Variants in FAM81A observed in about 807,000 individuals in gnomAD.
FAM81A encodes protein FAM81A.
Under a neutral mutation model 46.7 loss-of-function variants are expected in FAM81A, and 19 were observed. The ratio of observed to expected loss-of-function variants is 0.41; its 90% CI spans 0.28 to 0.60. FAM81A has a LOEUF of 0.60. FAM81A is among the 20% of genes least tolerant of loss of function. The pLI, the probability that FAM81A is intolerant of heterozygous loss-of-function variation, is 0.34. For missense variants in FAM81A, 377 were observed against 453.5 expected (o/e 0.83, Z 1.53); for synonymous variants, 183 against 152.9 (o/e 1.20, Z -1.45).
In FAM81A at chr15:59,509,892, A is replaced by G. The variant is rs754494393; in HGVS notation, c.650+923A>G. Among the ~76,000 whole-genome samples the G allele has an allele frequency of 5.7e-4, 86 of 152,164 alleles. 1 individual carries two copies. The highest frequency in any genetic ancestry group is 1.2e-4 in the Non-Finnish European group (8 of 68,016). ...CTGCAGGGGAGGTGGGCCAGCTCGC[A>G]GTTGTGATTTTTTGTGACAGCAATA... On this transcript the variant is annotated intron_variant, in intron 6 of 8. Transcript: ENST00000288228.
intron 3 of FAM81A, among the ~76,000 whole-genome samples, chr15:59,486,466 G>T (rs980262580): frequency 1.3e-5 from 2 of 152,004 alleles, no homozygotes; most frequent in African/African-American, 4.8e-5. Flanking sequence ...AATAGTGGTA[G>T]AAAGTTTATC....
intron 1 of FAM81A, among the ~76,000 whole-genome samples, chr15:59,453,211 T>C (rs1282983639): frequency 6.6e-6 from 1 of 152,258 alleles, no homozygotes; most frequent in African/African-American, 2.4e-5. Context: ...TAGCCTCCTG[T>C]GGCTAATGCC....
chr15:59,492,721 A>T (rs535433588), intron 4 of FAM81A, among the ~76,000 whole-genome samples: 1 of 152,340 alleles, frequency 6.6e-6, no homozygotes. Context: ...CATTTTGGAA[A>T]TTTAATTTTT....
upstream of FAM81A, among the ~76,000 whole-genome samples, chr15:59,435,525 C>T (rs1352506427): frequency 6.6e-6 from 1 of 152,144 alleles, no homozygotes; most frequent in Non-Finnish European, 1.5e-5. Flanking sequence ...GAAGCTGAGA[C>T]AGGAGAATCA....
chr15:59,488,648 C>G (rs1421502125), intron 3 of FAM81A, among the ~76,000 whole-genome samples: 1 of 152,194 alleles, frequency 6.6e-6, no homozygotes, highest in African/African-American at 2.4e-5. Context: ...AAGAAGAAAT[C>G]AAGAAAGTAA....
At chr15:59,446,592 G>A (rs958586286) in intron 1 of FAM81A, 2 of 152,208 alleles carry the variant, frequency 1.3e-5, no homozygotes, top group Non-Finnish European at 2.9e-5. Context: ...TGATAGAATG[G>A]AGGGGAAAGA....
At chr15:59,478,617 A>C (rs1413599346) in intron 3 of FAM81A, among the ~76,000 whole-genome samples, 7 of 152,206 alleles carry the variant, frequency 4.6e-5, no homozygotes, top group African/African-American at 1.7e-4. Flanking sequence ...CAGGTATATC[A>C]GCGGAGGGGT....
At chr15:59,481,358 G>C (rs1269810455) in intron 3 of FAM81A, among the ~76,000 whole-genome samples, 3 of 151,826 alleles carry the variant, frequency 2.0e-5, no homozygotes, top group African/African-American at 4.8e-5. Flanking sequence ...AGTTAAATGG[G>C]CTTTTTTAAA....
At chr15:59,502,514 T>TGTGTGC (rs1555433592) in intron 4 of FAM81A, among the ~76,000 whole-genome samples, 2 of 150,768 alleles carry the variant, frequency 1.3e-5, no homozygotes, top group Admixed American at 6.6e-5. Flanking sequence ...TGTGTGTGTG[T>TGTGTGC]GTGTGTGTGT....
intron 1 of FAM81A, among the ~76,000 whole-genome samples, chr15:59,447,621 T>A (rs2081366761): frequency 6.6e-6 from 1 of 152,222 alleles, no homozygotes; most frequent in African/African-American, 2.4e-5. Context: ...CCTTTGGCCT[T>A]GTCAATCTAG....
chr15:59,469,979 G>C (rs2081664195), intron 3 of FAM81A, among the ~76,000 whole-genome samples: 1 of 151,202 alleles, frequency 6.6e-6, no homozygotes, highest in Non-Finnish European at 1.5e-5. Flanking sequence ...TTATGAAGCT[G>C]GATATGAAAT....
At chr15:59,431,652 A>G (rs1032053207) in intron 2 of FAM81A, among the ~76,000 whole-genome samples, 2 of 151,714 alleles carry the variant, frequency 1.3e-5, no homozygotes, top group East Asian at 3.9e-4. Flanking sequence ...GGCACCTGCC[A>G]TGGTTCCTTT....
rs760288874 is a variant in FAM81A at position 59,504,359 on chromosome 15, A to G, written c.414-2854A>G. 7.6e-4 allele frequency among the ~76,000 whole-genome samples: 115 copies of G among 152,196 alleles called. 1 individual carries two copies. The highest frequency in any genetic ancestry group is 1.5e-3 in the Non-Finnish European group (101 of 68,026). ...AGTAAATATTTCCTTATATTCATTCATTCACAAATATTTATTAAGCCTCTA... is the reference window on the plus strand; with the variant it reads ...AGTAAATATTTCCTTATATTCATTCGTTCACAAATATTTATTAAGCCTCTA... On this transcript the variant is annotated intron_variant, in intron 4 of 8. Transcript: ENST00000288228.
intron 2 of FAM81A, among the ~76,000 whole-genome samples, chr15:59,406,745 A>G (rs540523797): frequency 6.6e-6 from 1 of 152,306 alleles, no homozygotes; most frequent in East Asian, 1.9e-4. Context: ...ATCATCCTGC[A>G]CGATCTTTTA....
intron 2 of FAM81A, among the ~76,000 whole-genome samples, chr15:59,428,913 G>A (rs1270056689): frequency 6.6e-6 from 1 of 152,106 alleles, no homozygotes; most frequent in Admixed American, 6.5e-5. Flanking sequence ...TTACAGGCGT[G>A]AGCCACCACA....
At chr15:59,414,046 C>T (rs1252321099) in intron 2 of FAM81A, among the ~76,000 whole-genome samples, 3 of 152,108 alleles carry the variant, frequency 2.0e-5, no homozygotes, top group Non-Finnish European at 2.9e-5. Context: ...CTCCATCTCC[C>T]GGGTTCAAGC....
chr15:59,422,507 C>T (rs1044065445), intron 2 of FAM81A, among the ~76,000 whole-genome samples: 2 of 151,908 alleles, frequency 1.3e-5, no homozygotes, highest in African/African-American at 4.8e-5. Context: ...GGTGGAGTCT[C>T]GCTCTGTCAC....
chr15:59,398,325 G>A (rs1384927874), intron 1 of FAM81A, among the ~76,000 whole-genome samples: 2 of 152,216 alleles, frequency 1.3e-5, no homozygotes, highest in African/African-American at 4.8e-5. Flanking sequence ...GAGGAACACT[G>A]TGTAAATTTG....
rs1371403320 is a variant in FAM81A, at chr15:59,522,929, T to C, written c.*1551T>C. The C allele has an allele frequency of 1.3e-5, 2 of 152,618 alleles. No homozygotes were observed. Among genetic ancestry groups the C allele is most frequent in the Non-Finnish European group, 2.9e-5 (2 of 68,040 alleles). 9.5% of individuals were successfully genotyped at this position (152,618 alleles called of 1,614,324 possible). On this transcript the variant is annotated 3_prime_UTR_variant, in exon 9 of 9. Transcript: ENST00000288228. ...TAGGGACTATATTATCCAACACATA[T>C]TTTCTTATTTTGCCACAAATTTCCA...
Sources: allele counts gnomAD v4.1 joint callset (sites outside exome capture counted in the v4.1 genomes callset), GRCh38; gene constraint gnomAD v4.1.1; transcripts MANE v1.5; gene names NCBI Gene and HGNC (gene_info 2026-07-23, HGNC 2026-07-21).